Variants in LCMT1 observed in about 807,000 individuals in gnomAD.
LCMT1 encodes leucine carboxyl methyltransferase 1, also known as [Phosphatase 2A protein]-leucine-carboxy methyltransferase 1.
A neutral mutation model predicts 47.7 loss-of-function variants in LCMT1; 32 were observed. The observed-to-expected ratio is 0.67, with a 90% CI of 0.51 to 0.90. LCMT1 has a LOEUF of 0.90. Ranked by LOEUF, LCMT1 falls within the 40% of genes least tolerant of loss-of-function variation. LCMT1 has a pLI of 0.00. For synonymous variants in LCMT1, 152 were observed against 149.7 expected, an observed-to-expected ratio of 1.02 and a Z score of -0.11; for missense variants, 375 against 415.2, an observed-to-expected ratio of 0.90 and a Z score of 0.84.
chr16:25,112,876 T>C lies in LCMT1; in HGVS notation c.113+880T>C, dbSNP rs182075787. ...GGTGAGAAGAGTTTGGGCGCGGTGG[T>C]TCACGCCTGTAATCCCAGCACTTTG... On this transcript the variant is annotated intron_variant, in intron 1 of 10. Coordinates refer to ENST00000399069, the MANE Select transcript of LCMT1 (RefSeq NM_016309.3). Among the ~76,000 whole-genome samples, 227 of 152,106 alleles carry C rather than the reference T, an allele frequency of 1.5e-3. 2 individuals are homozygous for C. The highest frequency in any genetic ancestry group is 8.8e-3 in the Admixed American group (134 of 15,268).
chr16:25,132,227 CA>C (rs201097797), intron 2 of LCMT1, 174 bp from the exon 3 acceptor site: 72,386 of 535,004 alleles, frequency 0.14, 1 homozygote, highest in South Asian at 0.18. Context: ...TGCCTTTAAC[CA>C]AAAAAAAAAA....
At chr16:25,116,220 A>G (rs1959778968) in intron 1 of LCMT1, among the ~76,000 whole-genome samples, 1 of 152,168 alleles carries the variant, frequency 6.6e-6, no homozygotes, top group Non-Finnish European at 1.5e-5. Flanking sequence ...TGAGTACTGA[A>G]AGCAGGTGGG....
At chr16:25,176,977 C>T (rs749157075) in intron 10 of LCMT1, among the ~76,000 whole-genome samples, 46 of 151,492 alleles carry the variant, frequency 3.0e-4, no homozygotes, top group Non-Finnish European at 5.7e-4. Flanking sequence ...GTCAGGAGTT[C>T]GAAACCAGCC....
chr16:25,150,683 C>T (rs1220832477), intron 4 of LCMT1, among the ~76,000 whole-genome samples: 3 of 152,098 alleles, frequency 2.0e-5, no homozygotes, highest in African/African-American at 7.2e-5. Context: ...TCCCCATCCC[C>T]CCTTTTAAAT....
intron 9 of LCMT1, among the ~76,000 whole-genome samples, chr16:25,171,698 T>G (rs1040773240): frequency 1.3e-5 from 2 of 152,162 alleles, no homozygotes; most frequent in African/African-American, 2.4e-5. Flanking sequence ...GGTTTTTAAA[T>G]GGACTTTTCT....
At chr16:25,128,601 TC>T in intron 2 of LCMT1, 35 bp downstream of exon 2, 1 of 1,474,968 alleles carries the variant, frequency 6.8e-7, no homozygotes, top group Non-Finnish European at 9.3e-7. Context: ...CAGCACCTCA[TC>T]AGCTACCTGA....
intron 3 of LCMT1, among the ~76,000 whole-genome samples, chr16:25,139,591 A>G (rs1369511626): frequency 6.6e-6 from 1 of 152,214 alleles, no homozygotes; most frequent in Non-Finnish European, 1.5e-5. Context: ...GGCTGTTTTA[A>G]CCTATTTCAC....
chr16:25,119,420 C>T (rs1159550663), intron 1 of LCMT1, among the ~76,000 whole-genome samples: 3 of 152,146 alleles, frequency 2.0e-5, no homozygotes, highest in East Asian at 3.9e-4. Flanking sequence ...CCTACCTTTG[C>T]GCCACATGAG....
intron 1 of LCMT1, among the ~76,000 whole-genome samples, chr16:25,119,150 G>A (rs1294364254): frequency 6.6e-6 from 1 of 152,170 alleles, no homozygotes; most frequent in East Asian, 1.9e-4. Flanking sequence ...TTTGAAGGTG[G>A]AGTTGATAGA....
intron 4 of LCMT1, chr16:25,140,851 T>TC (rs1343969121): frequency 6.6e-6 from 1 of 152,420 alleles, no homozygotes; most frequent in Non-Finnish European, 1.5e-5. Context: ...TAAGGCCAGT[T>TC]CCTAGAACTT....
At chr16:25,166,428 G>A (rs989550135) in intron 7 of LCMT1, among the ~76,000 whole-genome samples, 14 of 151,950 alleles carry the variant, frequency 9.2e-5, no homozygotes, top group African/African-American at 3.4e-4. Context: ...TTGAGATAGG[G>A]TCTCACTGTA....
chr16:25,178,061 A>G lies in LCMT1; in HGVS notation c.*38A>G. ...TTATGCCGAGCCAGAAGCCGAAGCC[A>G]CTTGCCCTCCTGGAGGAGACCTGCA... On this transcript the variant is annotated 3_prime_UTR_variant, in exon 11 of 11. Transcript: ENST00000399069. 1.2e-6 allele frequency: 2 copies of G among 1,611,376 alleles called. No individual in the cohort carries two copies. The highest frequency in any genetic ancestry group is 1.7e-6 in the Non-Finnish European group (2 of 1,178,308).
intron 8 of LCMT1, 63 bp from the exon 9 acceptor site, chr16:25,170,651 A>G: frequency 7.9e-7 from 1 of 1,269,398 alleles, no homozygotes; most frequent in Non-Finnish European, 1.1e-6. Context: ...ACAGTGTCTT[A>G]GATTTGTAAG....
intron 4 of LCMT1, 46 bp downstream of exon 4, chr16:25,140,293 A>G (rs1357433542): frequency 7.2e-7 from 1 of 1,394,174 alleles, no homozygotes; most frequent in African/African-American, 1.4e-5. Flanking sequence ...GAGAATTCAG[A>G]TCCAGCTCTC....
chr16:25,115,928 T>G (rs1959771066), intron 1 of LCMT1, among the ~76,000 whole-genome samples: 1 of 152,214 alleles, frequency 6.6e-6, no homozygotes, highest in African/African-American at 2.4e-5. Context: ...TCCACCTGCC[T>G]CAGCCCCTCA....
intron 4 of LCMT1, 102 bp from the exon 5 acceptor site, chr16:25,151,452 C>T (rs1597589384): frequency 2.1e-6 from 2 of 942,466 alleles, no homozygotes; most frequent in African/African-American, 1.6e-5. Context: ...TATATATTTG[C>T]CATTTTGGTA....
chr16:25,127,892 T>C (rs1460426357), intron 1 of LCMT1, among the ~76,000 whole-genome samples: 1 of 151,932 alleles, frequency 6.6e-6, no homozygotes, highest in African/African-American at 2.4e-5. Context: ...TAGTATAGAC[T>C]GGCTAGAGAG....
At chr16:25,176,906 G>A (rs575204374) in intron 10 of LCMT1, among the ~76,000 whole-genome samples, 208 of 151,418 alleles carry the variant, frequency 1.4e-3, no homozygotes, top group African/African-American at 4.2e-3. Flanking sequence ...TGAATTGAGC[G>A]CAGTGGCTCA....
rs112671700 is a variant in LCMT1, at chr16:25,175,873, G to A, written c.982+839G>A. 2.9e-3 allele frequency among the ~76,000 whole-genome samples: 441 copies of A among 152,294 alleles called. 1 individual carries two copies. Among genetic ancestry groups the A allele is most frequent in the Non-Finnish European group, 3.2e-3 (215 of 68,038 alleles). ...TGTGCTTTTATAGCACAAAAACCAA[G>A]AGAACTGTTTAAGCCTTGTAGCCCA... On this transcript the variant is annotated intron_variant, in intron 10 of 10. Transcript: ENST00000399069.
Sources: gnomAD v4.1 joint callset for allele counts (sites outside exome capture counted in the v4.1 genomes callset) on GRCh38, gnomAD v4.1.1 for gene constraint, MANE v1.5 for transcripts, NCBI Gene and HGNC (gene_info 2026-07-23, HGNC 2026-07-21) for gene names.